TRAPPC9: variants seen among roughly 807,000 people sequenced by gnomAD.
The protein encoded by TRAPPC9 is trafficking protein particle complex subunit 9.
In TRAPPC9, 83 loss-of-function variants were observed where a neutral mutation model predicts 124.0. The observed-to-expected ratio is 0.67, with a 90% CI of 0.56 to 0.80. TRAPPC9 has a LOEUF of 0.80. TRAPPC9 is among the 30% of genes least tolerant of loss of function. TRAPPC9 has a pLI of 0.00. For missense variants in TRAPPC9, 1,302 were observed against 1,508.3 expected, an observed-to-expected ratio of 0.86 and a Z score of 2.27; for synonymous variants, 638 against 617.5, an observed-to-expected ratio of 1.03 and a Z score of -0.49.
chr8:140,234,866 CATA>C (rs1374289623), intron 16 of TRAPPC9, among the ~76,000 whole-genome samples: 10 of 152,154 alleles, frequency 6.6e-5, no homozygotes, highest in Non-Finnish European at 7.4e-5. Context: ...TAGAAGAAAA[CATA>C]ATATTTCCAT....
chr8:140,024,228 C>T (rs1043907684), intron 17 of TRAPPC9, 149 bp from the exon 18 acceptor site: 126 of 1,015,226 alleles, frequency 1.2e-4, no homozygotes, highest in African/African-American at 1.1e-3. Context: ...ACAACCCCGG[C>T]GGGTACCGAC....
chr8:140,077,140 CGAGT>C (rs1317533039), intron 17 of TRAPPC9, among the ~76,000 whole-genome samples: 1 of 151,420 alleles, frequency 6.6e-6, no homozygotes, highest in African/African-American at 2.4e-5. Context: ...TGCTCCAGCC[CGAGT>C]GAGAGAGCCA....
At chr8:139,956,137 C>T (rs1834963014) in intron 19 of TRAPPC9, among the ~76,000 whole-genome samples, 1 of 152,102 alleles carries the variant, frequency 6.6e-6, no homozygotes, top group African/African-American at 2.4e-5. Context: ...GTGCATTTCA[C>T]CCTACATGGG....
Position 140,273,147 on chromosome 8 carries a change from C to T in TRAPPC9, c.2278+2511G>A, listed in dbSNP as rs72690660. Among the ~76,000 whole-genome samples, 696 of 152,328 alleles carry T rather than the reference C, an allele frequency of 4.6e-3. 2 individuals are homozygous for T. Among genetic ancestry groups the T allele is most frequent in the Non-Finnish European group, 8.0e-3 (545 of 68,028 alleles). On this transcript the variant is annotated intron_variant, in intron 15 of 22. Coordinates refer to ENST00000438773, the MANE Select transcript of TRAPPC9 (RefSeq NM_001160372.4). ...CGAGCTGAGACTCCAGCACCGGAGCCGGGACACTCCTCTGAGGTCTCAGTT... is the reference window on the plus strand; with the variant it reads ...CGAGCTGAGACTCCAGCACCGGAGCTGGGACACTCCTCTGAGGTCTCAGTT...
chr8:140,424,161 T>A (rs143613225), intron 5 of TRAPPC9, among the ~76,000 whole-genome samples: 387 of 151,504 alleles, frequency 2.6e-3, no homozygotes, highest in African/African-American at 9.0e-3. Flanking sequence ...TTTGTTTTTT[T>A]AAAAAAAAGC....
At chr8:140,224,503 C>T (rs2063403129) in intron 16 of TRAPPC9, among the ~76,000 whole-genome samples, 1 of 152,120 alleles carries the variant, frequency 6.6e-6, no homozygotes, top group Admixed American at 6.6e-5. Context: ...TCAGTGTTCC[C>T]CATGGAGAGT....
intron 21 of TRAPPC9, among the ~76,000 whole-genome samples, chr8:139,775,705 G>A (rs982704197): frequency 7.2e-5 from 11 of 152,176 alleles, no homozygotes; most frequent in Non-Finnish European, 1.2e-4. Flanking sequence ...GGGCCACCCC[G>A]ACATCCCCCT....
In TRAPPC9 at chr8:140,239,044, C is replaced by T. The variant is rs2063794278; in HGVS notation, c.2431+13733G>A. On this transcript the variant is annotated intron_variant, in intron 16 of 22. Coordinates refer to ENST00000438773, the MANE Select transcript of TRAPPC9 (RefSeq NM_001160372.4). ...CCAGGAGCTCACTGGGAAGAGGGAG[C>T]AGGCCCCGGAGAAAGCTGCTCCTTG... 2.0e-5 allele frequency among the ~76,000 whole-genome samples: 3 copies of T among 152,256 alleles called. No individual in the cohort carries two copies. In the South Asian group the frequency reaches 6.2e-4, roughly 32 times the overall value.
intron 12 of TRAPPC9, among the ~76,000 whole-genome samples, chr8:140,288,570 G>GCA (rs1322182811): frequency 1.3e-5 from 2 of 152,072 alleles, no homozygotes; most frequent in African/African-American, 4.8e-5. Context: ...CCTACTCAGG[G>GCA]CACTAAAGCA....
At position 140,276,113 on chromosome 8, in the gene TRAPPC9, A is replaced by T. The variant is rs549879172; in HGVS notation, c.2115-292T>A. The stretch of plus-strand genomic sequence containing the variant: ...GCATATGTGAAGCATAAAAATACTT[A>T]ATTACTAAGTTATGGGGTATAAAAA... On this transcript the variant is annotated intron_variant, in intron 14 of 22. Transcript: ENST00000438773. Among the ~76,000 whole-genome samples the T allele has an allele frequency of 2.6e-5, 4 of 152,320 alleles. No individual in the cohort carries two copies. The South Asian group carries it at 8.3e-4, about 32-fold the overall frequency.
intron 21 of TRAPPC9, among the ~76,000 whole-genome samples, chr8:139,874,551 C>A (rs1048460043): frequency 3.3e-5 from 5 of 152,184 alleles, no homozygotes; most frequent in Non-Finnish European, 7.4e-5. Context: ...CCTACAAGAA[C>A]CTGAGTTAGA....
At chr8:140,420,615 T>C (rs1201956080) in intron 5 of TRAPPC9, among the ~76,000 whole-genome samples, 1 of 152,182 alleles carries the variant, frequency 6.6e-6, no homozygotes, top group Non-Finnish European at 1.5e-5. Flanking sequence ...TTTTTTTTCT[T>C]TCCAACTTTT....
chr8:140,433,688 C>T (rs1261406665), intron 4 of TRAPPC9, among the ~76,000 whole-genome samples: 2 of 152,100 alleles, frequency 1.3e-5, no homozygotes, highest in Non-Finnish European at 2.9e-5. Context: ...GTCAAATCAA[C>T]GTTTTTACTT....
At chr8:139,765,316 C>G (rs148137965) in intron 21 of TRAPPC9, among the ~76,000 whole-genome samples, 8 of 152,332 alleles carry the variant, frequency 5.3e-5, no homozygotes, top group African/African-American at 1.7e-4. Context: ...GAATGGGATT[C>G]CTAAAGCTCC....
intron 21 of TRAPPC9, among the ~76,000 whole-genome samples, chr8:139,758,225 C>T (rs1353218388): frequency 1.3e-5 from 2 of 152,202 alleles, no homozygotes; most frequent in African/African-American, 4.8e-5. Flanking sequence ...CTGGCTGGGG[C>T]TGGAGCAAAT....
At chr8:139,854,647 C>G (rs1827693270) in intron 21 of TRAPPC9, among the ~76,000 whole-genome samples, 1 of 152,238 alleles carries the variant, frequency 6.6e-6, no homozygotes, top group South Asian at 2.1e-4. Flanking sequence ...GGGGCCGTAG[C>G]TACACTCGGC....
intron 21 of TRAPPC9, among the ~76,000 whole-genome samples, chr8:139,744,463 A>AGAGACGG (rs1297441524): frequency 1.3e-5 from 2 of 152,316 alleles, no homozygotes; most frequent in South Asian, 2.1e-4. Flanking sequence ...GCTGGGTGAC[A>AGAGACGG]GAGACGGAAG....
intron 15 of TRAPPC9, among the ~76,000 whole-genome samples, chr8:140,271,858 A>G (rs1354382521): frequency 6.6e-6 from 1 of 152,186 alleles, no homozygotes; most frequent in African/African-American, 2.4e-5. Context: ...TTCAATCCTC[A>G]TGACAACTCT....
At chr8:139,759,412 A>T (rs539289013) in intron 21 of TRAPPC9, among the ~76,000 whole-genome samples, 1 of 152,268 alleles carries the variant, frequency 6.6e-6, no homozygotes, top group African/African-American at 2.4e-5. Context: ...GGAAGGTGAG[A>T]GGCAGAGGAG....
Sources: gnomAD v4.1 joint callset for allele counts (sites outside exome capture counted in the v4.1 genomes callset) on GRCh38, gnomAD v4.1.1 for gene constraint, MANE v1.5 for transcripts, NCBI Gene and HGNC (gene_info 2026-07-23, HGNC 2026-07-21) for gene names.